Variants in GNAL observed in about 807,000 individuals in gnomAD.
GNAL encodes guanine nucleotide-binding protein G(olf) subunit alpha.
A neutral mutation model predicts 55.1 loss-of-function variants in GNAL; 18 were observed. The observed-to-expected ratio is 0.33, with a 90% CI of 0.23 to 0.48. The LOEUF (loss-of-function observed/expected upper bound fraction) is 0.48, where lower values mean the gene tolerates loss of function less well. Ranked by LOEUF, GNAL falls within the 20% of genes least tolerant of loss-of-function variation. GNAL has a pLI of 0.99. For synonymous variants in GNAL, 253 were observed against 237.0 expected (o/e 1.07, Z -0.62); for missense variants, 412 against 614.1 (o/e 0.67, Z 3.48).
chr18:11,735,961 A>G (rs1183754635), intron 1 of GNAL, among the ~76,000 whole-genome samples: 3 of 152,158 alleles, frequency 2.0e-5, no homozygotes, highest in Non-Finnish European at 4.4e-5. Flanking sequence ...GTTCATATAC[A>G]AGAATCTATT....
At chr18:11,779,375 T>C (rs2033868812) in intron 4 of GNAL, among the ~76,000 whole-genome samples, 1 of 152,206 alleles carries the variant, frequency 6.6e-6, no homozygotes, top group African/African-American at 2.4e-5. Flanking sequence ...GTAATGCAGA[T>C]TGTGAAGGCA....
rs1598400741 is a variant in GNAL, at chr18:11,699,704, A to T, written c.376+9765A>T. ...TTGTTTCAGAATTCCCTCGCTAGGGATGGACAGACAGCGCACAGAGGACTT... is the reference window on the plus strand; with the variant it reads ...TTGTTTCAGAATTCCCTCGCTAGGGTTGGACAGACAGCGCACAGAGGACTT... On this transcript the variant is annotated intron_variant, in intron 1 of 11. Transcript: ENST00000334049. 2.0e-5 allele frequency among the ~76,000 whole-genome samples: 3 copies of T among 152,164 alleles called. No homozygotes were observed. The South Asian group carries it at 6.2e-4, about 31-fold the overall frequency.
At chr18:11,755,161 C>A (rs550693922) in intron 4 of GNAL, among the ~76,000 whole-genome samples, 110 of 152,314 alleles carry the variant, frequency 7.2e-4, no homozygotes, top group African/African-American at 2.6e-3. Context: ...AACAGAGAGA[C>A]CCCGCCCTGC....
chr18:11,861,682 A>C (rs1389509953), intron 5 of GNAL, among the ~76,000 whole-genome samples: 3 of 152,138 alleles, frequency 2.0e-5, no homozygotes, highest in Non-Finnish European at 4.4e-5. Context: ...GCGGCCTCCC[A>C]GCTCCCTCTC....
chr18:11,769,147 A>G (rs1266983046), intron 4 of GNAL, among the ~76,000 whole-genome samples: 8 of 123,788 alleles, frequency 6.5e-5, no homozygotes, highest in Non-Finnish European at 1.3e-4. Context: ...TATAATATAG[A>G]TTATATAAAT....
rs186798001 is a variant in GNAL at position 11,788,492 on chromosome 18, G to A, written c.624+34547G>A. Among the ~76,000 whole-genome samples the A allele has an allele frequency of 3.0e-4, 45 of 152,276 alleles. 1 individual carries two copies. Among genetic ancestry groups the A allele is most frequent in the Admixed American group, 1.4e-3 (22 of 15,290 alleles). On this transcript the variant is annotated intron_variant, in intron 4 of 11. Coordinates refer to ENST00000334049, the MANE Select transcript of GNAL (RefSeq NM_182978.4). The stretch of plus-strand genomic sequence containing the variant: ...TACTTACACTCCACAATCATGCCAA[G>A]AATCGTACTGTCCTATAGTCCTTTT...
At chr18:11,702,798 G>C (rs1272363299) in intron 1 of GNAL, among the ~76,000 whole-genome samples, 3 of 141,548 alleles carry the variant, frequency 2.1e-5, no homozygotes, top group Non-Finnish European at 4.5e-5. Context: ...GAGGGCAGCA[G>C]CTTCCAAGAA....
chr18:11,775,756 T>G (rs1350708178), intron 4 of GNAL, among the ~76,000 whole-genome samples: 1 of 152,190 alleles, frequency 6.6e-6, no homozygotes, highest in African/African-American at 2.4e-5. Context: ...TGACGCAAGA[T>G]CCTATGTCCT....
intron 1 of GNAL, among the ~76,000 whole-genome samples, chr18:11,733,490 T>G (rs953943929): frequency 2.0e-5 from 3 of 152,170 alleles, no homozygotes; most frequent in Non-Finnish European, 2.9e-5. Flanking sequence ...GTGTTCTCAT[T>G]TTCATCTTTT....
chr18:11,753,468 T>A (rs1733635064), intron 2 of GNAL, 160 bp from the exon 3 acceptor site: 2 of 567,874 alleles, frequency 3.5e-6, no homozygotes, highest in African/African-American at 1.9e-5. Context: ...GTGCTTTCCT[T>A]TCCCAGATAA....
intron 4 of GNAL, among the ~76,000 whole-genome samples, chr18:11,754,710 G>A (rs2032983099): frequency 6.6e-6 from 1 of 152,160 alleles, no homozygotes. Flanking sequence ...AGAAAAGAAT[G>A]CATTGTATAA....
intron 1 of GNAL, among the ~76,000 whole-genome samples, chr18:11,748,209 G>A (rs532848546): frequency 3.9e-5 from 6 of 152,266 alleles, no homozygotes; most frequent in Admixed American, 2.6e-4. Context: ...GAAATGTCTC[G>A]TCACTGTGTA....
chr18:11,836,475 A>G (rs980726292), intron 5 of GNAL, among the ~76,000 whole-genome samples: 22 of 152,014 alleles, frequency 1.4e-4, no homozygotes, highest in East Asian at 3.9e-4. Flanking sequence ...AATAATAATA[A>G]TAAAGAGGTG....
At position 11,852,343 on chromosome 18, in the gene GNAL, C is replaced by A. The variant is rs56665849; in HGVS notation, c.723-10052C>A. The A allele has an allele frequency of 8.2e-3, 4,346 of 532,728 alleles. 153 individuals are homozygous for A. The highest frequency in any genetic ancestry group is 0.074 in the African/African-American group (3,909 of 52,642). 33.0% of individuals were successfully genotyped at this position (532,728 alleles called of 1,614,324 possible). A position where few individuals can be genotyped will look rare whatever the true frequency, so the allele number is the denominator to read the frequency against. ...GTAATGATGGTATTTTTATAGCAGCCTTTTAACAGAACTAGTTAATTTCGT... is the reference window on the plus strand; with the variant it reads ...GTAATGATGGTATTTTTATAGCAGCATTTTAACAGAACTAGTTAATTTCGT... On this transcript the variant is annotated intron_variant, in intron 5 of 11. Coordinates refer to ENST00000334049, the MANE Select transcript of GNAL (RefSeq NM_182978.4).
At chr18:11,857,461 T>C in intron 5 of GNAL, 3 of 984,596 alleles carry the variant, frequency 3.0e-6, no homozygotes, top group Non-Finnish European at 2.4e-6. Context: ...AAGGGGAGAC[T>C]GGACAGACTG....
chr18:11,731,145 TTTG>T (rs925953901), intron 1 of GNAL, among the ~76,000 whole-genome samples: 18 of 152,106 alleles, frequency 1.2e-4, no homozygotes, highest in Admixed American at 3.9e-4. Context: ...GAATTCAGTT[TTTG>T]TTGTTGTTGT....
Position 11,852,144 on chromosome 18 carries a change from A to G in GNAL, c.723-10251A>G, listed in dbSNP as rs376211902. The G allele has an allele frequency of 1.6e-4, 249 of 1,536,246 alleles. No individual in the cohort carries two copies. The African/African-American group carries it at 3.1e-3, about 19-fold the overall frequency. On this transcript the variant is annotated intron_variant, in intron 5 of 11. Coordinates refer to ENST00000334049, the MANE Select transcript of GNAL (RefSeq NM_182978.4). Reference sequence around the variant, plus strand: ...ACCCGCTCTGAGGTTTCCTGGCCATAGCCACCCTTTGAAATGCTCTCTGTG... The same window carrying G: ...ACCCGCTCTGAGGTTTCCTGGCCATGGCCACCCTTTGAAATGCTCTCTGTG...
At chr18:11,698,794 TC>T (rs2031486820) in intron 1 of GNAL, among the ~76,000 whole-genome samples, 1 of 152,168 alleles carries the variant, frequency 6.6e-6, no homozygotes, top group African/African-American at 2.4e-5. Context: ...TTGCTGTGCA[TC>T]CGCTTTCTAA....
chr18:11,852,160 G>A (rs1047544311), intron 5 of GNAL: 4 of 1,510,528 alleles, frequency 2.6e-6, no homozygotes, highest in East Asian at 2.4e-5. Flanking sequence ...CCTTTGAAAT[G>A]CTCTCTGTGT....
Sources: gnomAD v4.1 joint callset for allele counts (sites outside exome capture counted in the v4.1 genomes callset) on GRCh38, gnomAD v4.1.1 for gene constraint, MANE v1.5 for transcripts, NCBI Gene and HGNC (gene_info 2026-07-23, HGNC 2026-07-21) for gene names.